Variants in CAPRIN1 observed in about 807,000 individuals in gnomAD.
CAPRIN1 encodes cell cycle associated protein 1.
A neutral mutation model predicts 100.9 loss-of-function variants in CAPRIN1; 29 were observed. That is an observed-to-expected ratio of 0.29 (90% CI 0.21 to 0.39). The LOEUF (loss-of-function observed/expected upper bound fraction) is 0.39. Ranked by LOEUF, CAPRIN1 falls within the 10% of genes least tolerant of loss-of-function variation. The probability of loss-of-function intolerance (pLI) is 1.00; values close to 1 mark genes in which losing one functional copy is unlikely to be tolerated. For synonymous variants in CAPRIN1, 338 were observed against 307.5 expected (o/e 1.10, Z -1.04); for missense variants, 795 against 876.7 (o/e 0.91, Z 1.18).
intron 2 of CAPRIN1, among the ~76,000 whole-genome samples, chr11:34,061,963 C>CT (rs1299425257): frequency 1.3e-5 from 1 of 75,660 alleles, no homozygotes; most frequent in Non-Finnish European, 2.4e-5. Context: ...CAGCGAGAGT[C>CT]TGTCTCAAAA....
Position 34,083,030 on chromosome 11 carries a change from G to C in CAPRIN1, c.955G>C (p.Glu319Gln). The change falls in exon 9 of 19, where the codon GAA becomes CAA. Residue 319 changes from glutamate to glutamine, a missense_variant. Physicochemically the swap from Glu to Gln is conservative, Grantham distance 29. Transcript: ENST00000341394. ...GGAGCAGGTAGATGAGTGGACAGTTGAAACGGTTGAGGTAAGAGTTCTCTG... is the reference window on the plus strand; with the variant it reads ...GGAGCAGGTAGATGAGTGGACAGTTCAAACGGTTGAGGTAAGAGTTCTCTG... ...EKEQVDEWTV[E>Q]TVEVVNSLQQ... is the part of the protein sequence containing the mutation. 6.2e-7 allele frequency: 1 copy of C among 1,612,866 alleles called. No individual in the cohort carries two copies. Among genetic ancestry groups the C allele is most frequent in the Non-Finnish European group, 8.5e-7 (1 of 1,178,932 alleles).
chr11:34,089,325 A>C, intron 11 of CAPRIN1, 70 bp from the exon 12 acceptor site: 1 of 479,950 alleles, frequency 2.1e-6, no homozygotes, highest in Non-Finnish European at 3.6e-6. Flanking sequence ...TAGCGAAATA[A>C]AAGGTATTTA....
intron 15 of CAPRIN1, among the ~76,000 whole-genome samples, chr11:34,095,186 A>G (rs1489633058): frequency 2.0e-5 from 3 of 152,148 alleles, no homozygotes; most frequent in African/African-American, 4.8e-5. Flanking sequence ...GTGAGCCACT[A>G]CACCCAGCCT....
At chr11:34,096,908 C>G (rs1336483202) in intron 16 of CAPRIN1, among the ~76,000 whole-genome samples, 1 of 152,160 alleles carries the variant, frequency 6.6e-6, no homozygotes, top group Non-Finnish European at 1.5e-5. Context: ...CTACCACTAT[C>G]TCCTGGAGGA....
intron 15 of CAPRIN1, among the ~76,000 whole-genome samples, chr11:34,093,051 G>T (rs1851292649): frequency 6.7e-6 from 1 of 148,886 alleles, no homozygotes; most frequent in Admixed American, 6.7e-5. Context: ...TGTAGAGATA[G>T]GGTCTCCAGG....
rs375514257 is a variant in CAPRIN1, at chr11:34,076,521, C to T, written c.606-39C>T. The T allele has an allele frequency of 2.7e-5, 44 of 1,605,768 alleles. No individual in the cohort carries two copies. The African/African-American group carries it at 5.9e-4, about 21-fold the overall frequency. On this transcript the variant is annotated intron_variant, in intron 5 of 18. Transcript: ENST00000341394. Reference sequence around the variant, plus strand: ...AGAAACTTCTGAGTATTTAAGTTGACAACTGAAAGGTTATTAATTAGCTAT... The same window carrying T: ...AGAAACTTCTGAGTATTTAAGTTGATAACTGAAAGGTTATTAATTAGCTAT...
intron 2 of CAPRIN1, 94 bp from the exon 3 acceptor site, chr11:34,071,632 C>T (rs1166308545): frequency 4.7e-6 from 4 of 852,406 alleles, no homozygotes; most frequent in Non-Finnish European, 7.5e-6. Flanking sequence ...AAATTTGAGA[C>T]AAACTTAGAG....
At chr11:34,089,491 GT>G (rs138654211) in intron 12 of CAPRIN1, 35 bp downstream of exon 12, 110,282 of 1,292,620 alleles carry the variant, frequency 0.085, 5,227 homozygotes, top group Middle Eastern at 0.11. Context: ...TCAGGGCCAG[GT>G]TAGGTGGCTC....
intron 2 of CAPRIN1, among the ~76,000 whole-genome samples, chr11:34,070,706 C>A (rs1019641205): frequency 1.2e-4 from 18 of 151,134 alleles, no homozygotes; most frequent in African/African-American, 4.1e-4. Flanking sequence ...CGAAAAAATA[C>A]TCTTTTTTTT....
intron 7 of CAPRIN1, 140 bp downstream of exon 7, chr11:34,079,905 GTTTTTTTTTT>G (rs377455073): frequency 3.4e-4 from 112 of 331,942 alleles, no homozygotes; most frequent in African/African-American, 2.7e-3. Flanking sequence ...GCATGACAAA[GTTTTTTTTTT>G]TTTTTTTTTT....
At position 34,082,853 on chromosome 11, in the gene CAPRIN1, G is replaced by A; in HGVS notation, c.855G>A (p.Glu285=). ...AEPEPAEEYT[E]QSEVESTEYV... ...CTGAGCCAGCAGAAGAGTACACTGAGCAAAGTGAAGTTGAATCAACAGAGG... is the reference window on the plus strand; with the variant it reads ...CTGAGCCAGCAGAAGAGTACACTGAACAAAGTGAAGTTGAATCAACAGAGG... The change falls in exon 8 of 19, where the codon GAG becomes GAA. Residue 285 remains glutamate, a synonymous_variant. Coordinates refer to ENST00000341394, the MANE Select transcript of CAPRIN1 (RefSeq NM_005898.5). 1 of 1,613,944 alleles carries A rather than the reference G, an allele frequency of 6.2e-7. No individual in the cohort carries two copies. The highest frequency in any genetic ancestry group is 8.5e-7 in the Non-Finnish European group (1 of 1,179,976).
chr11:34,065,026 C>T (rs1204121054), intron 2 of CAPRIN1, among the ~76,000 whole-genome samples: 1 of 131,832 alleles, frequency 7.6e-6, no homozygotes, highest in Non-Finnish European at 1.5e-5. Context: ...GGGGCGCTAT[C>T]TCGGCTCACT....
intron 2 of CAPRIN1, among the ~76,000 whole-genome samples, chr11:34,066,520 G>A (rs1196741001): frequency 6.6e-6 from 1 of 151,716 alleles, no homozygotes; most frequent in African/African-American, 2.4e-5. Flanking sequence ...TTTTAGTAGA[G>A]ACGGGGTTTC....
rs1047532741 is a variant in CAPRIN1, at chr11:34,076,217, C to T, written c.367-19C>T. On this transcript the variant is annotated intron_variant, in intron 4 of 18. Coordinates refer to ENST00000341394, the MANE Select transcript of CAPRIN1 (RefSeq NM_005898.5). ...TTATATAACTAATTTTGGTGTTTTA[C>T]TTTTATATTGTTTTGCAGATTCAGA... 7 of 1,585,364 alleles carry T rather than the reference C, an allele frequency of 4.4e-6. No homozygotes were observed. The African/African-American group carries it at 9.5e-5, about 21-fold the overall frequency.
At chr11:34,078,830 T>G (rs144906300) in intron 6 of CAPRIN1, among the ~76,000 whole-genome samples, 22 of 152,320 alleles carry the variant, frequency 1.4e-4, no homozygotes, top group Non-Finnish European at 2.6e-4. Flanking sequence ...TCAACTCTTG[T>G]AGCACTTACC....
rs1313459662 is a variant in CAPRIN1 at position 34,101,738 on chromosome 11, C to A, written c.*2371C>A. 6.6e-6 allele frequency among the ~76,000 whole-genome samples: 1 copy of A among 152,120 alleles called. No homozygotes were observed. Among genetic ancestry groups the A allele is most frequent in the Non-Finnish European group, 1.5e-5 (1 of 68,016 alleles). Reference sequence around the variant, plus strand: ...ACTTTTCAATAAGTCTCATTAAGATCTGAATCTTGGTTCTAAGCATTCTGT... The same window carrying A: ...ACTTTTCAATAAGTCTCATTAAGATATGAATCTTGGTTCTAAGCATTCTGT... On this transcript the variant is annotated 3_prime_UTR_variant, in exon 19 of 19. Coordinates refer to ENST00000341394, the MANE Select transcript of CAPRIN1 (RefSeq NM_005898.5).
At chr11:34,063,055 C>T (rs1040535454) in intron 2 of CAPRIN1, 3 of 152,088 alleles carry the variant, frequency 2.0e-5, no homozygotes, top group Non-Finnish European at 4.4e-5. Flanking sequence ...AATAAAGAAG[C>T]AAAGCCCAGG....
rs1416961284 is a variant in CAPRIN1, at chr11:34,062,602, G to C, written c.217-9124G>C. ...ATCACGCCACTGCACTCCAGCCTGG[G>C]CGACAGAGCAAAACTCCGTCTCAAA... is the stretch of plus-strand genomic sequence containing the variant. On this transcript the variant is annotated intron_variant, in intron 2 of 18. Transcript: ENST00000341394. Among the ~76,000 whole-genome samples, 3 of 146,626 alleles carry C rather than the reference G, an allele frequency of 2.0e-5. No individual in the cohort carries two copies. The East Asian group carries it at 6.0e-4, about 29-fold the overall frequency.
Position 34,079,688 on chromosome 11 carries a change from A to G in CAPRIN1, c.749A>G (p.His250Arg), listed in dbSNP as rs753809827. ...CAGTCAAACTACTTTGACAGCACCC[A>G]CAACCACCAGAATGGGCTGTGTGAG... ...VFQSNYFDST[H>R]NHQNGLCEEE... is the part of the protein sequence containing the mutation. The change falls in exon 7 of 19, where the codon CAC (histidine) becomes CGC (arginine). Residue 250 changes from histidine to arginine, a missense_variant. Coordinates refer to ENST00000341394, the MANE Select transcript of CAPRIN1 (RefSeq NM_005898.5). The G allele has an allele frequency of 9.9e-6, 16 of 1,613,990 alleles. No homozygotes were observed. Among genetic ancestry groups the G allele is most frequent in the African/African-American group, 1.3e-5 (1 of 74,908 alleles).
Sources: gnomAD v4.1 joint callset for allele counts (sites outside exome capture counted in the v4.1 genomes callset) on GRCh38, gnomAD v4.1.1 for gene constraint, MANE v1.5 for transcripts, NCBI Gene and HGNC (gene_info 2026-07-23, HGNC 2026-07-21) for gene names.